Variants in PAK1 observed in about 807,000 individuals in gnomAD.
The protein encoded by PAK1 is p21 (RAC1) activated kinase 1, also known as serine/threonine-protein kinase PAK 1.
Under a neutral mutation model 67.4 loss-of-function variants are expected in PAK1, and 29 were observed. The ratio of observed to expected loss-of-function variants is 0.43; its 90% CI spans 0.32 to 0.59. PAK1 has a LOEUF of 0.59. PAK1 is among the 20% of genes least tolerant of loss of function. The probability of loss-of-function intolerance (pLI) is 0.07; values close to 1 mark genes in which losing one functional copy is unlikely to be tolerated. For missense variants in PAK1, 337 were observed against 670.7 expected, an observed-to-expected ratio of 0.50 and a Z score of 5.50; for synonymous variants, 223 against 237.4, an observed-to-expected ratio of 0.94 and a Z score of 0.56.
intron 1 of PAK1, among the ~76,000 whole-genome samples, chr11:77,463,759 G>T (rs1334026310): frequency 6.6e-6 from 1 of 152,100 alleles, no homozygotes; most frequent in African/African-American, 2.4e-5. Flanking sequence ...TATTACACAG[G>T]GTAGCGTTTT....
chr11:77,464,466 C>T lies in PAK1; in HGVS notation c.-22+9086G>A, dbSNP rs553007104. Among the ~76,000 whole-genome samples, 3 of 152,304 alleles carry T rather than the reference C, an allele frequency of 2.0e-5. No individual in the cohort carries two copies. The East Asian group carries it at 5.8e-4, about 29-fold the overall frequency. ...TCTGTATTACCCTCTGGAATGTAATCTTTGTAAGAGCAAGGACAAGGACCA... is the reference window on the plus strand; with the variant it reads ...TCTGTATTACCCTCTGGAATGTAATTTTTGTAAGAGCAAGGACAAGGACCA... On this transcript the variant is annotated intron_variant, in intron 1 of 14. Coordinates refer to ENST00000356341, the MANE Select transcript of PAK1 (RefSeq NM_002576.5).
intron 2 of PAK1, among the ~76,000 whole-genome samples, chr11:77,391,709 C>T (rs1951164571): frequency 2.6e-5 from 4 of 152,148 alleles, no homozygotes; most frequent in Admixed American, 6.5e-5. Flanking sequence ...ATTAAATCAA[C>T]AGTGTTAAAA....
At chr11:77,416,080 G>A (rs1954935917) in intron 1 of PAK1, among the ~76,000 whole-genome samples, 1 of 151,952 alleles carries the variant, frequency 6.6e-6, no homozygotes, top group Non-Finnish European at 1.5e-5. Flanking sequence ...CTGGGTTCAA[G>A]CAATTCTTGT....
intron 14 of PAK1, among the ~76,000 whole-genome samples, chr11:77,329,550 A>C (rs892436079): frequency 1.1e-4 from 17 of 152,222 alleles, no homozygotes; most frequent in Non-Finnish European, 2.5e-4. Context: ...TTATCTCAAT[A>C]GATGCAGAAA....
the PAK1 span, among the ~76,000 whole-genome samples, chr11:77,480,999 C>T: frequency 0.02 from 3,088 of 152,228 alleles, 103 homozygotes; most frequent in African/African-American, 0.07. Context: ...TCATCGTGGT[C>T]AGGAGACATG....
chr11:77,431,915 A>G (rs1955879255), intron 1 of PAK1, among the ~76,000 whole-genome samples: 1 of 152,216 alleles, frequency 6.6e-6, no homozygotes, highest in South Asian at 2.1e-4. Flanking sequence ...AGGTCACTCT[A>G]AAGTTCATTT....
chr11:77,350,005 C>T (rs959322309), intron 8 of PAK1, among the ~76,000 whole-genome samples: 4 of 151,972 alleles, frequency 2.6e-5, no homozygotes, highest in Non-Finnish European at 2.9e-5. Context: ...CTTATGTATG[C>T]TATCTTTAGT....
chr11:77,334,568 G>C (rs992358918), intron 13 of PAK1, among the ~76,000 whole-genome samples: 2 of 152,172 alleles, frequency 1.3e-5, no homozygotes, highest in African/African-American at 4.8e-5. Context: ...CACCTGTGTT[G>C]AGATGCTCTG....
chr11:77,521,377 A>C, the PAK1 span, among the ~76,000 whole-genome samples: 1 of 152,220 alleles, frequency 6.6e-6, no homozygotes, highest in South Asian at 2.1e-4. Flanking sequence ...TAAAACTACA[A>C]AATTAGCCGG....
At chr11:77,392,808 A>G (rs1228873796) in intron 1 of PAK1, among the ~76,000 whole-genome samples, 4 of 152,226 alleles carry the variant, frequency 2.6e-5, no homozygotes, top group Non-Finnish European at 5.9e-5. Context: ...ATTATGATGT[A>G]GTTGAAAGCA....
At chr11:77,385,996 G>A (rs1010984716) in intron 2 of PAK1, among the ~76,000 whole-genome samples, 2 of 152,204 alleles carry the variant, frequency 1.3e-5, no homozygotes. Flanking sequence ...TGTGGTTGAG[G>A]TGAGAAAGAG....
At position 77,337,167 on chromosome 11, in the gene PAK1, T is replaced by TC. The variant is rs1942835466; in HGVS notation, c.1216+156_1216+157insG. 8.5e-5 allele frequency among the ~76,000 whole-genome samples: 13 copies of TC among 152,194 alleles called. No individual in the cohort carries two copies. In the South Asian group the frequency reaches 2.5e-3, roughly 29 times the overall value. ...ATGAAAAAATAATGAAATGATATCC[T>TC]ATGATTAATACAGAAAATATAAAAC... On this transcript the variant is annotated intron_variant, in intron 12 of 14. Coordinates refer to ENST00000356341, the MANE Select transcript of PAK1 (RefSeq NM_002576.5).
At chr11:77,406,763 A>G (rs1052787236) in intron 1 of PAK1, among the ~76,000 whole-genome samples, 6 of 151,304 alleles carry the variant, frequency 4.0e-5, no homozygotes, top group Non-Finnish European at 8.9e-5. Flanking sequence ...GCTGGGCAAC[A>G]GACAGAGATA....
intron 4 of PAK1, among the ~76,000 whole-genome samples, chr11:77,377,891 C>G (rs538333158): frequency 4.2e-4 from 64 of 152,302 alleles, no homozygotes; most frequent in Non-Finnish European, 7.9e-4. Flanking sequence ...ATGACTCAGT[C>G]CCTCAATGGA....
chr11:77,512,223 C>T, the PAK1 span, among the ~76,000 whole-genome samples: 4 of 152,148 alleles, frequency 2.6e-5, no homozygotes, highest in Admixed American at 6.5e-5. Flanking sequence ...AGCTGGTCAC[C>T]GAAGCAGTTC....
intron 1 of PAK1, among the ~76,000 whole-genome samples, chr11:77,417,942 G>A (rs1370064989): frequency 6.6e-6 from 1 of 151,884 alleles, no homozygotes; most frequent in Non-Finnish European, 1.5e-5. Context: ...CACCATGTTG[G>A]CCAGGCTGGT....
the PAK1 span, among the ~76,000 whole-genome samples, chr11:77,504,383 T>C: frequency 6.6e-6 from 1 of 152,222 alleles, no homozygotes; most frequent in Non-Finnish European, 1.5e-5. Flanking sequence ...TTATATTTGC[T>C]TCTACATTCA....
At chr11:77,474,822 C>T (rs998880754), upstream of PAK1, 6 of 152,170 alleles carry the variant, frequency 3.9e-5, no homozygotes, top group Non-Finnish European at 7.4e-5. Flanking sequence ...TTTCTTTCTC[C>T]TGAGCTCAGA....
At chr11:77,492,706 C>T in the PAK1 span, among the ~76,000 whole-genome samples, 1 of 151,912 alleles carries the variant, frequency 6.6e-6, no homozygotes, top group Non-Finnish European at 1.5e-5. Flanking sequence ...AATTGTAATT[C>T]CCAGTGTTGG....
Sources: gnomAD v4.1 joint callset for allele counts (sites outside exome capture counted in the v4.1 genomes callset) on GRCh38, gnomAD v4.1.1 for gene constraint, MANE v1.5 for transcripts, NCBI Gene and HGNC (gene_info 2026-07-23, HGNC 2026-07-21) for gene names.